JAG2: variants seen among roughly 807,000 people sequenced by gnomAD.
JAG2 encodes the protein protein jagged-2.
JAG2 carries 46 observed loss-of-function variants against 141.7 expected under a neutral mutation model. That is an observed-to-expected ratio of 0.32 (90% CI 0.26 to 0.42). The LOEUF is 0.42. JAG2 is among the 10% of genes least tolerant of loss of function. JAG2 has a pLI of 1.00. For missense variants in JAG2, 1,500 were observed against 1,817.5 expected (o/e 0.83, Z 3.18); for synonymous variants, 862 against 763.5 (o/e 1.13, Z -2.13).
Position 105,146,639 on chromosome 14 carries a change from G to C in JAG2, c.2565C>G (p.Pro855=). The change falls in exon 21 of 26, where the codon CCC becomes CCG. Residue 855 remains proline, a synonymous_variant. Coordinates refer to ENST00000331782, the MANE Select transcript of JAG2 (RefSeq NM_002226.5). ...CCTGGCACCGGGGGCCGGCTCGGCC[G>C]GGTGGGCAGCTACAGCGATACCCGT... ...EINGYRCSCP[P]GRAGPRCQEV... is the part of the protein sequence containing the mutation. 1.9e-6 allele frequency: 3 copies of C among 1,612,628 alleles called. No homozygotes were observed. Among genetic ancestry groups the C allele is most frequent in the Non-Finnish European group, 2.5e-6 (3 of 1,179,860 alleles).
At position 105,147,207 on chromosome 14, in the gene JAG2, G is replaced by A. The variant is rs587688676; in HGVS notation, c.2479+119C>T. ...TGGGGAAACTGAGGCTCAGAAGAGA[G>A]GCAGGAAGTAGTTGTGGCCACACTG... On this transcript the variant is annotated intron_variant, in intron 20 of 25. Coordinates refer to ENST00000331782, the MANE Select transcript of JAG2 (RefSeq NM_002226.5). 97 of 775,066 alleles carry A rather than the reference G, an allele frequency of 1.3e-4. No individual in the cohort carries two copies. In the African/African-American group the frequency reaches 1.4e-3, roughly 12 times the overall value. 48.0% of individuals were successfully genotyped at this position (775,066 alleles called of 1,614,324 possible).
chr14:105,161,710 G>A (rs1888752687), intron 2 of JAG2, among the ~76,000 whole-genome samples: 1 of 152,120 alleles, frequency 6.6e-6, no homozygotes, highest in Non-Finnish European at 1.5e-5. Context: ...CCAGCCTCCA[G>A]GACTTATTTG....
intron 23 of JAG2, 109 bp downstream of exon 23, chr14:105,145,622 T>C: frequency 7.1e-7 from 1 of 1,402,344 alleles, no homozygotes. Flanking sequence ...AGAGTGACTC[T>C]GCTCAGCCAA....
rs373302058 is a variant in JAG2, at chr14:105,142,944, C to T, written c.3468G>A (p.Pro1156=). 3.7e-5 allele frequency: 59 copies of T among 1,608,808 alleles called. No individual in the cohort carries two copies. In the Admixed American group the frequency reaches 9.0e-4, roughly 25 times the overall value. Residue 1156 remains proline, a synonymous_variant, in exon 26 of 26, where the codon CCG becomes CCA. Transcript: ENST00000331782. ...DVLYQCKNFT[P]PPRRADEALP... ...GCGCCTCGTCCGCCCTGCGCGGCGGCGGCGTGAAGTTCTTGCACTGGTAGA... is the reference window on the plus strand; with the variant it reads ...GCGCCTCGTCCGCCCTGCGCGGCGGTGGCGTGAAGTTCTTGCACTGGTAGA...
In JAG2 at chr14:105,167,877, G is replaced by A. The variant is rs767535424; in HGVS notation, c.297C>T (p.Gly99=). The stretch of plus-strand genomic sequence containing the variant: ...CCGGCGGCAGGTAGAAGGAGTTGCC[G>A]CCCAGCACGGGCGTGGCGCCGTGGC... ...SYGHGATPVL[G]GNSFYLPPAG... Residue 99 remains glycine (G), a synonymous_variant, in exon 2 of 26, where the codon GGC becomes GGT. Transcript: ENST00000331782. This position sits in a 1 kb window ranked among gnomAD's most constrained non-coding sequence, Gnocchi z 4.8. The A allele has an allele frequency of 2.5e-6, 4 of 1,571,062 alleles. No individual in the cohort carries two copies. Among genetic ancestry groups the A allele is most frequent in the East Asian group, 4.9e-5 (2 of 40,548 alleles).
chr14:105,162,044 G>A (rs1051324249), intron 2 of JAG2, among the ~76,000 whole-genome samples: 16 of 152,192 alleles, frequency 1.1e-4, no homozygotes, highest in African/African-American at 3.6e-4. Context: ...GCTGGGACAT[G>A]TGGGGATGTG....
In JAG2 at chr14:105,152,304, G is replaced by A. The variant is rs973855495; in HGVS notation, c.789-13C>T. On this transcript the variant is annotated splice_polypyrimidine_tract_variant and intron_variant, in intron 5 of 25. Transcript: ENST00000331782. ...GCCGTAGCTGCACCTGGGGGAAGGA[G>A]GAGGGGCGCAAGACCCAGTGAGCTG... The A allele has an allele frequency of 6.8e-6, 11 of 1,612,244 alleles. No individual in the cohort carries two copies. Among genetic ancestry groups the A allele is most frequent in the Non-Finnish European group, 9.3e-6 (11 of 1,179,530 alleles).
chr14:105,144,981 C>T lies in JAG2; in HGVS notation c.3033G>A (p.Val1011=). The T allele has an allele frequency of 3.1e-6, 5 of 1,608,578 alleles. No homozygotes were observed. Among genetic ancestry groups the T allele is most frequent in the Non-Finnish European group, 4.2e-6 (5 of 1,179,544 alleles). The change falls in exon 24 of 26, where the codon GTG becomes GTA. Residue 1011 remains valine (V), a synonymous_variant. Coordinates refer to ENST00000331782, the MANE Select transcript of JAG2 (RefSeq NM_002226.5). ...TRAVARDRLL[V]LLCDRASSGA... Reference sequence around the variant, plus strand: ...CCGAGGACGCCCGGTCGCAAAGCAACACCAGCAGGCGGTCCCGTGCCACAG... The same window carrying T: ...CCGAGGACGCCCGGTCGCAAAGCAATACCAGCAGGCGGTCCCGTGCCACAG...
intron 18 of JAG2, 94 bp from the exon 19 acceptor site, chr14:105,147,621 G>A (rs779200022): frequency 4.5e-6 from 6 of 1,346,064 alleles, no homozygotes; most frequent in South Asian, 1.2e-5. Context: ...AGGCTGTGGG[G>A]CTGGGGAGGG....
At chr14:105,163,867 C>G (rs1380663150) in intron 2 of JAG2, among the ~76,000 whole-genome samples, 1 of 151,398 alleles carries the variant, frequency 6.6e-6, no homozygotes, top group East Asian at 1.9e-4. Flanking sequence ...ACAGGGACCC[C>G]GCTCAGGCCT....
Position 105,168,448 on chromosome 14 carries a change from CGCCGCCGCCGCCCGCGCCCGGCTCCCA to C in JAG2, c.-55_-29del, listed in dbSNP as rs1461601103. The C allele has an allele frequency of 1.2e-5, 8 of 652,932 alleles. No individual in the cohort carries two copies. The highest frequency in any genetic ancestry group is 2.0e-5 in the African/African-American group (1 of 50,374). The allele number at this position is 652,932 out of a possible 1,614,324, so 40.4% of individuals were successfully genotyped here. ...CCCCCGCGACCCGCCCGCCCGGCCC[CGCCGCCGCCGCCCGCGCCCGGCTCCCA>C]GCCGCCGCGCCGGCCTCCCAGCGCC... On this transcript the variant is annotated 5_prime_UTR_variant, in exon 1 of 26. Transcript: ENST00000331782.
chr14:105,150,438 C>T (rs1021349093), intron 12 of JAG2, among the ~76,000 whole-genome samples, 166 bp downstream of exon 12: 5 of 152,172 alleles, frequency 3.3e-5, no homozygotes, highest in African/African-American at 1.2e-4. Flanking sequence ...CCTGTGACAG[C>T]CCCGCCTGCC....
Position 105,145,977 on chromosome 14 carries a change from G to T in JAG2, c.2710-4C>A. ...AAGGCTTCCATCCGCACCACACCTG[G>T]GCAGGCACGCACAGGAGGGTCAGGC... On this transcript the variant is annotated splice_region_variant and splice_polypyrimidine_tract_variant and intron_variant, in intron 22 of 25. Transcript: ENST00000331782. 1 of 1,593,062 alleles carries T rather than the reference G, an allele frequency of 6.3e-7. No homozygotes were observed.
At chr14:105,168,260 G>T in intron 1 of JAG2, 95 bp downstream of exon 1, 1 of 721,490 alleles carries the variant, frequency 1.4e-6, no homozygotes, top group Non-Finnish European at 1.7e-6. Context: ...GAGGGCTTCC[G>T]AACCACGGCG....
At chr14:105,158,474 C>T (rs984776519) in intron 2 of JAG2, among the ~76,000 whole-genome samples, 14 of 152,248 alleles carry the variant, frequency 9.2e-5, no homozygotes, top group Admixed American at 5.9e-4. Context: ...CCTCTGCCCC[C>T]GGGCCACCTG....
chr14:105,144,598 G>T (rs773280543), intron 24 of JAG2, among the ~76,000 whole-genome samples: 4 of 152,178 alleles, frequency 2.6e-5, no homozygotes, highest in Non-Finnish European at 4.4e-5. Flanking sequence ...CCCAAAGCAG[G>T]CCTCCCAGGG....
Position 105,142,936 on chromosome 14 carries a change from C to CGCG in JAG2, c.3473_3475dup (p.Pro1158dup), listed in dbSNP as rs770866097. Reference sequence around the variant, plus strand: ...CCCGGGCAGCGCCTCGTCCGCCCTGCGCGGCGGCGGCGTGAAGTTCTTGCA... The same window carrying CGCG: ...CCCGGGCAGCGCCTCGTCCGCCCTGCGCGGCGGCGGCGGCGTGAAGTTCTTGCA... On this transcript the variant is annotated inframe_insertion, in exon 26 of 26. Coordinates refer to ENST00000331782, the MANE Select transcript of JAG2 (RefSeq NM_002226.5). 3.7e-6 allele frequency: 6 copies of CGCG among 1,608,526 alleles called. No individual in the cohort carries two copies. Among genetic ancestry groups the CGCG allele is most frequent in the South Asian group, 1.1e-5 (1 of 90,836 alleles).
chr14:105,143,788 G>C (rs1888138685), intron 24 of JAG2, 150 bp from the exon 25 acceptor site: 1 of 828,452 alleles, frequency 1.2e-6, no homozygotes, highest in Non-Finnish European at 1.9e-6. Flanking sequence ...TTCACCACCA[G>C]GCAGTGAGTG....
chr14:105,152,146 GC>G lies in JAG2; in HGVS notation c.919+14del. 1 of 1,613,534 alleles carries G rather than the reference GC, an allele frequency of 6.2e-7. No individual in the cohort carries two copies. Among genetic ancestry groups the G allele is most frequent in the South Asian group, 1.1e-5 (1 of 91,074 alleles). On this transcript the variant is annotated intron_variant, in intron 6 of 25. Transcript: ENST00000331782. ...TCGATGGCAGAGCATTAGGCCTGCC[GC>G]CCCCTACCACTACCTTTGTCACAGA...
Sources: gnomAD v4.1 joint callset for allele counts (sites outside exome capture counted in the v4.1 genomes callset) on GRCh38, gnomAD v4.1.1 for gene constraint, Gnocchi (gnomAD v3.1) non-coding constraint, MANE v1.5 for transcripts, NCBI Gene and HGNC (gene_info 2026-07-23, HGNC 2026-07-21) for gene names.